ZFHX3: variants seen among roughly 807,000 people sequenced by gnomAD.
ZFHX3 encodes the protein zinc finger homeobox protein 3.
In ZFHX3, 42 loss-of-function variants were observed where a neutral mutation model predicts 279.1. That is an observed-to-expected ratio of 0.15 (90% CI 0.12 to 0.19). The LOEUF is 0.19. ZFHX3 is among the 10% of genes least tolerant of loss of function. The pLI, the probability that ZFHX3 is intolerant of heterozygous loss-of-function variation, is 1.00. For missense variants in ZFHX3, 4,981 were observed against 4,754.0 expected (o/e 1.05, Z -1.40); for synonymous variants, 2,293 against 1,957.8 (o/e 1.17, Z -4.52).
At chr16:73,507,759 C>A (rs1432193992) in intron 2 of ZFHX3, among the ~76,000 whole-genome samples, 3 of 152,058 alleles carry the variant, frequency 2.0e-5, no homozygotes, top group African/African-American at 7.2e-5. Context: ...CCTTGGCCTC[C>A]CAAAGTGCTG....
At chr16:72,810,898 A>G (rs1240307417) in intron 7 of ZFHX3, among the ~76,000 whole-genome samples, 7 of 152,030 alleles carry the variant, frequency 4.6e-5, no homozygotes, top group Middle Eastern at 6.3e-3. Flanking sequence ...CTTTTTTTAA[A>G]GAGATAGAGT....
intron 5 of ZFHX3, among the ~76,000 whole-genome samples, chr16:73,252,525 G>C (rs565943814): frequency 6.6e-6 from 1 of 152,286 alleles, no homozygotes; most frequent in Admixed American, 6.5e-5. Flanking sequence ...GGGCGGAAGT[G>C]CAGGCACAGA....
rs538876795 is a variant in ZFHX3, at chr16:72,797,608, G to C, written c.5074C>G (p.Pro1692Ala). 2 of 1,613,994 alleles carry C rather than the reference G, an allele frequency of 1.2e-6. No homozygotes were observed. Among genetic ancestry groups the C allele is most frequent in the Non-Finnish European group, 1.7e-6 (2 of 1,180,026 alleles). Residue 1692 changes from proline (P) to alanine (A), a missense_variant, in exon 9 of 10, where the codon CCC becomes GCC. Pro to Ala is a conservative substitution (Grantham distance 27). Around this residue, in one of 7 missense-constraint regions of ZFHX3, gnomAD observed 1,751 missense variants for 1,770.0 expected, o/e 0.99. Coordinates refer to ENST00000268489, the MANE Select transcript of ZFHX3 (RefSeq NM_006885.4). The stretch of plus-strand genomic sequence containing the variant: ...TTGGCACCAATAGGATTCCCCAGGG[G>C]TGGCATCCCTACACTCTCAGTGGGC... ...QVPTESVGMP[P>A]LGNPIGANIA...
At chr16:72,907,606 T>TGTGTGTGTGTGG (rs71156128) in intron 3 of ZFHX3, among the ~76,000 whole-genome samples, 1 of 128,938 alleles carries the variant, frequency 7.8e-6, no homozygotes, top group African/African-American at 3.0e-5. Flanking sequence ...TGTGTGTGTG[T>TGTGTGTGTGTGG]TGTGTGTATG....
intron 2 of ZFHX3, among the ~76,000 whole-genome samples, chr16:73,614,010 G>A (rs925326759): frequency 3.9e-5 from 6 of 152,160 alleles, no homozygotes; most frequent in African/African-American, 7.2e-5. Context: ...CAATGAATCC[G>A]AGCTTTCTGC....
At position 72,794,552 on chromosome 16, in the gene ZFHX3, G is replaced by C; in HGVS notation, c.8130C>G (p.His2710Gln). 1 of 1,614,226 alleles carries C rather than the reference G, an allele frequency of 6.2e-7. No homozygotes were observed. The highest frequency in any genetic ancestry group is 8.5e-7 in the Non-Finnish European group (1 of 1,180,052). Residue 2710 changes from histidine (H) to glutamine (Q), a missense_variant, in exon 9 of 10, where the codon CAC (histidine) becomes CAG (glutamine). Transcript: ENST00000268489. This position sits in a 1 kb window ranked among gnomAD's most constrained non-coding sequence, Gnocchi z 4.2. ...GCGCTCTGCAAAAAGGGCATCTCCT[G>C]TGGGCCTGCGCTGGGCCTACAGCCC... ...QFRAVGPAQA[H>Q]RRCPFCRALF...
At chr16:73,615,916 G>C (rs906897792) in intron 2 of ZFHX3, among the ~76,000 whole-genome samples, 1 of 152,120 alleles carries the variant, frequency 6.6e-6, no homozygotes, top group African/African-American at 2.4e-5. Context: ...TTTTAAACTA[G>C]CCGTATGGAA....
chr16:72,865,563 G>T (rs1197561475), intron 4 of ZFHX3, among the ~76,000 whole-genome samples: 1 of 152,228 alleles, frequency 6.6e-6, no homozygotes, highest in Non-Finnish European at 1.5e-5. Flanking sequence ...CACTGACAAG[G>T]AGTATGCTGT....
intron 3 of ZFHX3, among the ~76,000 whole-genome samples, chr16:73,328,413 A>G (rs190556377): frequency 6.6e-5 from 10 of 152,372 alleles, no homozygotes; most frequent in African/African-American, 1.9e-4. Context: ...CACTAGTAGT[A>G]GCCATCATTT....
chr16:73,595,548 G>A (rs1200439705), intron 2 of ZFHX3, among the ~76,000 whole-genome samples: 1 of 152,086 alleles, frequency 6.6e-6, no homozygotes, highest in Non-Finnish European at 1.5e-5. Flanking sequence ...CCTTGGTTCT[G>A]GGCTGGGCCT....
At chr16:73,742,964 C>T (rs892459921) in intron 1 of ZFHX3, among the ~76,000 whole-genome samples, 9 of 152,082 alleles carry the variant, frequency 5.9e-5, no homozygotes, top group African/African-American at 2.2e-4. Context: ...TTTTTTTAAA[C>T]TACAATAATG....
intron 3 of ZFHX3, among the ~76,000 whole-genome samples, chr16:73,415,518 C>T (rs2017553956): frequency 6.6e-6 from 1 of 152,154 alleles, no homozygotes; most frequent in African/African-American, 2.4e-5. Context: ...GTTTCAAGGG[C>T]CAGGCAAAGA....
At chr16:73,406,384 G>A (rs1193584831) in intron 3 of ZFHX3, among the ~76,000 whole-genome samples, 3 of 152,188 alleles carry the variant, frequency 2.0e-5, no homozygotes, top group Non-Finnish European at 4.4e-5. Context: ...GTCGAGGCAG[G>A]ACCAATGGGT....
At chr16:72,880,396 A>G (rs891111474) in intron 4 of ZFHX3, among the ~76,000 whole-genome samples, 1 of 152,140 alleles carries the variant, frequency 6.6e-6, no homozygotes, top group Non-Finnish European at 1.5e-5. Flanking sequence ...TGAGGCCTTT[A>G]GGGTAGACCC....
At chr16:73,248,101 C>A (rs111170007) in intron 5 of ZFHX3, among the ~76,000 whole-genome samples, 4,512 of 140,756 alleles carry the variant, frequency 0.032, 208 homozygotes, top group African/African-American at 0.1. Flanking sequence ...TGTATATGTG[C>A]CTGTATGTGG....
chr16:73,415,403 ATTAAGCC>A (rs1470128279), intron 3 of ZFHX3, among the ~76,000 whole-genome samples: 3 of 152,214 alleles, frequency 2.0e-5, no homozygotes, highest in Non-Finnish European at 4.4e-5. Flanking sequence ...TTCTGCAACC[ATTAAGCC>A]TTAAATGGGT....
chr16:72,864,469 T>G (rs958428199), intron 4 of ZFHX3, among the ~76,000 whole-genome samples: 1 of 151,378 alleles, frequency 6.6e-6, no homozygotes, highest in African/African-American at 2.4e-5. Flanking sequence ...GAGGGGGCGT[T>G]CATCCCCCTT....
At chr16:73,868,249 G>C (rs1962078737) in intron 1 of ZFHX3, among the ~76,000 whole-genome samples, 1 of 152,220 alleles carries the variant, frequency 6.6e-6, no homozygotes, top group Admixed American at 6.5e-5. Flanking sequence ...GCGGCCAAGT[G>C]GGGTGGCTCA....
At position 73,737,316 on chromosome 16, in the gene ZFHX3, C is replaced by T. The variant is rs1457579200; in HGVS notation, c.-1607-57076G>A. On this transcript the variant is annotated intron_variant, in intron 1 of 17. Transcript: ENST00000641206. Reference sequence around the variant, plus strand: ...CCTCTCAAAATGCTGGAATTACAGGCATGAGCCACTGCACTCAGCCTGTGA... The same window carrying T: ...CCTCTCAAAATGCTGGAATTACAGGTATGAGCCACTGCACTCAGCCTGTGA... Among the ~76,000 whole-genome samples, 13 of 152,114 alleles carry T rather than the reference C, an allele frequency of 8.5e-5. 1 individual carries two copies. Among genetic ancestry groups the T allele is most frequent in the Admixed American group, 4.6e-4 (7 of 15,268 alleles).
Sources: allele counts gnomAD v4.1 joint callset (sites outside exome capture counted in the v4.1 genomes callset), GRCh38; gene constraint gnomAD v4.1.1; regional missense constraint gnomAD v4.1.1; non-coding constraint Gnocchi (gnomAD v3.1); transcripts MANE v1.5; gene names NCBI Gene and HGNC (gene_info 2026-07-23, HGNC 2026-07-21).